TRAPPC13: variants seen among roughly 807,000 people sequenced by gnomAD.
TRAPPC13 encodes REV7-interacting novel NHEJ regulator 1.
Under a neutral mutation model 54.0 loss-of-function variants are expected in TRAPPC13, and 39 were observed. That is an observed-to-expected ratio of 0.72 (90% CI 0.56 to 0.94). The LOEUF is 0.94. Among genes scored for constraint, TRAPPC13 ranks in the 40% least tolerant of loss-of-function variants. The pLI, the probability that TRAPPC13 is intolerant of heterozygous loss-of-function variation, is 0.00. For synonymous variants in TRAPPC13, 148 were observed against 167.7 expected, an observed-to-expected ratio of 0.88 and a Z score of 0.91; for missense variants, 386 against 488.1, an observed-to-expected ratio of 0.79 and a Z score of 1.97.
At chr5:65,654,499 A>G (rs1449210481) in intron 7 of TRAPPC13, among the ~76,000 whole-genome samples, 1 of 152,180 alleles carries the variant, frequency 6.6e-6, no homozygotes, top group Non-Finnish European at 1.5e-5. Flanking sequence ...AAGATACTTA[A>G]TATTACCTAT....
At chr5:65,627,131 CA>C (rs60169195) in intron 1 of TRAPPC13, among the ~76,000 whole-genome samples, 870 of 32,474 alleles carry the variant, frequency 0.027, 5 homozygotes, top group African/African-American at 0.061. Flanking sequence ...GACCCTGTCT[CA>C]AAAAAAAAAA....
intron 1 of TRAPPC13, chr5:65,630,815 A>G: frequency 2.7e-6 from 1 of 372,780 alleles, no homozygotes; most frequent in Non-Finnish European, 3.7e-6. Context: ...CTGTTTTCAA[A>G]CAACGATACA....
intron 7 of TRAPPC13, among the ~76,000 whole-genome samples, chr5:65,653,056 G>A (rs569294309): frequency 1.4e-5 from 2 of 142,020 alleles, no homozygotes; most frequent in African/African-American, 5.2e-5. Context: ...AAACAAATTT[G>A]GCAAAAAGAG....
chr5:65,664,437 C>T, intron 12 of TRAPPC13, 53 bp downstream of exon 12: 1 of 1,602,752 alleles, frequency 6.2e-7, no homozygotes, highest in Non-Finnish European at 8.5e-7. Context: ...ACTTACAAGT[C>T]ATTTGTGATG....
intron 10 of TRAPPC13, chr5:65,661,165 C>G (rs1367600625): frequency 3.7e-6 from 1 of 270,012 alleles, no homozygotes; most frequent in East Asian, 7.6e-5. Context: ...AAGTGTCTCT[C>G]CTTTGGTAAC....
intron 3 of TRAPPC13, among the ~76,000 whole-genome samples, chr5:65,637,139 A>T (rs1755778194): frequency 6.6e-6 from 1 of 152,222 alleles, no homozygotes; most frequent in Non-Finnish European, 1.5e-5. Flanking sequence ...ATCTCTAGTG[A>T]GGTTGGCATT....
intron 4 of TRAPPC13, among the ~76,000 whole-genome samples, chr5:65,645,508 G>A (rs1756156600): frequency 6.6e-6 from 1 of 151,888 alleles, no homozygotes; most frequent in South Asian, 2.1e-4. Context: ...AGAATTAACT[G>A]CAAAACTGTT....
intron 4 of TRAPPC13, among the ~76,000 whole-genome samples, chr5:65,643,711 G>C (rs1056206656): frequency 2.6e-5 from 4 of 151,730 alleles, no homozygotes; most frequent in African/African-American, 9.7e-5. Flanking sequence ...CAGCTACTCG[G>C]GAGGCTGAGG....
At chr5:65,637,839 C>G (rs1381405034) in intron 4 of TRAPPC13, 59 bp downstream of exon 4, 6 of 997,222 alleles carry the variant, frequency 6.0e-6, no homozygotes, top group Non-Finnish European at 8.8e-6. Flanking sequence ...TTTTTTTAGG[C>G]CGGGCATGGT....
chr5:65,628,130 A>G (rs557096035), intron 1 of TRAPPC13, among the ~76,000 whole-genome samples: 2 of 152,310 alleles, frequency 1.3e-5, no homozygotes, highest in South Asian at 4.1e-4. Context: ...GGAAGGCTCC[A>G]TTCTTGAGCC....
intron 7 of TRAPPC13, among the ~76,000 whole-genome samples, chr5:65,654,918 C>T (rs141765903): frequency 4.6e-5 from 7 of 152,282 alleles, no homozygotes; most frequent in Admixed American, 4.6e-4. Flanking sequence ...AGGAGACTGA[C>T]ATGATGCAAC....
chr5:65,662,967 T>C (rs1242954305), intron 11 of TRAPPC13: 2 of 152,124 alleles, frequency 1.3e-5, no homozygotes, highest in African/African-American at 4.8e-5. Flanking sequence ...TATTGTGTAT[T>C]TAGTGACACT....
intron 5 of TRAPPC13, among the ~76,000 whole-genome samples, chr5:65,648,377 G>A (rs1235074053): frequency 3.0e-5 from 4 of 133,420 alleles, no homozygotes; most frequent in Non-Finnish European, 6.6e-5. Flanking sequence ...AAAATGTTTC[G>A]TATTTACTTA....
In TRAPPC13 at chr5:65,664,309, A is replaced by G; in HGVS notation, c.1071A>G (p.Arg357=). The G allele has an allele frequency of 6.2e-7, 1 of 1,613,990 alleles. No homozygotes were observed. The highest frequency in any genetic ancestry group is 8.5e-7 in the Non-Finnish European group (1 of 1,179,872). The change falls in exon 12 of 13, where the codon AGA becomes AGG. Residue 357 remains arginine, a synonymous_variant. Transcript: ENST00000399438. ...TCCACTGGTGTGGAATTTCAGGAAG[A>G]CAGCTGGGAAAGCTGCATCCAAGTT... ...NSIHWCGISG[R]QLGKLHPSSS...
intron 1 of TRAPPC13, among the ~76,000 whole-genome samples, chr5:65,631,174 AT>A (rs147384574): frequency 0.018 from 2,773 of 152,306 alleles, 67 homozygotes; most frequent in African/African-American, 0.056. Flanking sequence ...CTTACATGTC[AT>A]TACTACTATT....
chr5:65,661,055 G>T (rs181076183), intron 10 of TRAPPC13, 158 bp downstream of exon 10: 17 of 549,870 alleles, frequency 3.1e-5, no homozygotes, highest in African/African-American at 2.7e-4. Context: ...CTGATAGGTA[G>T]GTCGAAGACT....
intron 9 of TRAPPC13, among the ~76,000 whole-genome samples, chr5:65,659,967 C>CAAAAAAAAAAAAAAA (rs141876171): frequency 1.2e-4 from 11 of 95,226 alleles, no homozygotes; most frequent in East Asian, 3.4e-4. Flanking sequence ...GTATTTTAAA[C>CAAAAAAAAAAAAAAA]AAAAAAAAAA....
At chr5:65,658,565 A>G (rs955245723) in intron 9 of TRAPPC13, 64 bp downstream of exon 9, 9 of 1,368,604 alleles carry the variant, frequency 6.6e-6, no homozygotes, top group Middle Eastern at 1.9e-4. Flanking sequence ...CTAAACATCC[A>G]TTGCTCTTCA....
intron 1 of TRAPPC13, chr5:65,629,793 A>C (rs1216519137): frequency 6.5e-7 from 1 of 1,536,108 alleles, no homozygotes; most frequent in Non-Finnish European, 8.7e-7. Context: ...GAAGATGTGA[A>C]ACAGTACTTA....
Sources: allele counts gnomAD v4.1 joint callset (sites outside exome capture counted in the v4.1 genomes callset), GRCh38; gene constraint gnomAD v4.1.1; transcripts MANE v1.5; gene names NCBI Gene and HGNC (gene_info 2026-07-23, HGNC 2026-07-21).